DOK6: variants seen among roughly 807,000 people sequenced by gnomAD.
The protein encoded by DOK6 is downstream of tyrosine kinase 6.
DOK6 carries 22 observed loss-of-function variants against 44.0 expected under a neutral mutation model. That is an observed-to-expected ratio of 0.50 (90% CI 0.36 to 0.71). The LOEUF is 0.71. Ranked by LOEUF, DOK6 falls within the 30% of genes least tolerant of loss-of-function variation. The pLI is 0.00. For missense variants in DOK6, 340 were observed against 416.4 expected (o/e 0.82, Z 1.60); for synonymous variants, 166 against 145.5 (o/e 1.14, Z -1.01).
At chr18:69,748,556 A>T (rs1979064974) in intron 6 of DOK6, among the ~76,000 whole-genome samples, 1 of 152,190 alleles carries the variant, frequency 6.6e-6, no homozygotes, top group African/African-American at 2.4e-5. Context: ...AGAACTCAAG[A>T]TTAAGAAACT....
At position 69,757,838 on chromosome 18, in the gene DOK6, G is replaced by C. The variant is rs528290848; in HGVS notation, c.821G>C (p.Arg274Pro). The change falls in exon 7 of 8, where the codon CGT becomes CCT. Residue 274 changes from arginine to proline, a missense_variant. This residue lies in a region of DOK6 where 112 missense variants were observed against 109.3 expected (regional missense o/e 1.02). Transcript: ENST00000382713. Reference protein sequence around the residue: ...PRSAYWHHITRQNSVGEIYSL... With the variant: ...PRSAYWHHITPQNSVGEIYSL... Reference sequence around the variant, plus strand: ...AGCGCGTACTGGCATCACATCACTCGTCAGAACAGCGTTGGTGAAATCTAC... The same window carrying C: ...AGCGCGTACTGGCATCACATCACTCCTCAGAACAGCGTTGGTGAAATCTAC... 6.2e-7 allele frequency: 1 copy of C among 1,614,102 alleles called. No homozygotes were observed. Among genetic ancestry groups the C allele is most frequent in the South Asian group, 1.1e-5 (1 of 91,088 alleles).
At chr18:69,469,230 A>G (rs1980015869) in intron 1 of DOK6, among the ~76,000 whole-genome samples, 1 of 152,228 alleles carries the variant, frequency 6.6e-6, no homozygotes, top group African/African-American at 2.4e-5. Flanking sequence ...GTGTGTGCTG[A>G]GTACTGATAA....
chr18:69,566,664 C>G (rs977008296), intron 2 of DOK6, among the ~76,000 whole-genome samples: 2 of 152,112 alleles, frequency 1.3e-5, no homozygotes, highest in East Asian at 1.9e-4. Flanking sequence ...AGTCTTGCCC[C>G]GAAAAAGCTT....
At chr18:69,446,079 T>A (rs28879801) in intron 1 of DOK6, among the ~76,000 whole-genome samples, 9,397 of 152,190 alleles carry the variant, frequency 0.062, 305 homozygotes, top group Middle Eastern at 0.12. Flanking sequence ...AATTATACTT[T>A]AAGTTCTAGG....
intron 1 of DOK6, among the ~76,000 whole-genome samples, chr18:69,514,715 G>GTTT (rs3044894): frequency 6.0e-4 from 90 of 149,202 alleles, no homozygotes; most frequent in South Asian, 8.4e-4. Context: ...TAGGTTTTTT[G>GTTT]TTTTTTTTTA....
chr18:69,678,961 T>C (rs1985986399), intron 4 of DOK6, among the ~76,000 whole-genome samples: 1 of 152,212 alleles, frequency 6.6e-6, no homozygotes, highest in African/African-American at 2.4e-5. Flanking sequence ...GTGGATTGCT[T>C]GAGCTCAGAA....
chr18:69,548,259 A>G (rs577473370), intron 1 of DOK6, among the ~76,000 whole-genome samples: 19 of 151,100 alleles, frequency 1.3e-4, no homozygotes, highest in Admixed American at 7.3e-4. Flanking sequence ...GCCCTCATAT[A>G]TATATTTTTT....
chr18:69,653,862 T>C (rs1207535434), intron 3 of DOK6, among the ~76,000 whole-genome samples: 1 of 152,112 alleles, frequency 6.6e-6, no homozygotes, highest in African/African-American at 2.4e-5. Flanking sequence ...TCAAACATAA[T>C]GTTTCAAACA....
chr18:69,619,199 A>T (rs1261951453), intron 3 of DOK6, among the ~76,000 whole-genome samples: 1 of 152,242 alleles, frequency 6.6e-6, no homozygotes, highest in African/African-American at 2.4e-5. Context: ...CGCAATACTC[A>T]TGCATTTTCA....
At chr18:69,613,470 A>G (rs985224740) in intron 3 of DOK6, among the ~76,000 whole-genome samples, 1 of 152,250 alleles carries the variant, frequency 6.6e-6, no homozygotes, top group Non-Finnish European at 1.5e-5. Context: ...AAGTTTGGTT[A>G]ATAGACTCTG....
chr18:69,828,033 G>A (rs1047685253), intron 7 of DOK6, among the ~76,000 whole-genome samples: 1 of 151,810 alleles, frequency 6.6e-6, no homozygotes, highest in Non-Finnish European at 1.5e-5. Context: ...TTATGGTTCA[G>A]ATCTCTATCT....
Position 69,544,740 on chromosome 18 carries a change from A to G in DOK6, c.67-19747A>G, listed in dbSNP as rs1402903315. ...GTACATAGAAATACGGTTTTTATAT[A>G]TTACTGACTTTCACCTCTATGGCTG... On this transcript the variant is annotated intron_variant, in intron 1 of 7. Transcript: ENST00000382713. Among the ~76,000 whole-genome samples, 2 of 151,616 alleles carry G rather than the reference A, an allele frequency of 1.3e-5. 1 individual carries two copies. The highest frequency in any genetic ancestry group is 3.0e-5 in the Non-Finnish European group (2 of 67,772).
chr18:69,414,964 C>T (rs913180426), intron 1 of DOK6, among the ~76,000 whole-genome samples: 6 of 152,050 alleles, frequency 3.9e-5, no homozygotes, highest in African/African-American at 1.4e-4. Flanking sequence ...TAATTAATAA[C>T]TTGTCAATTA....
At chr18:69,422,891 T>C (rs1477438120) in intron 1 of DOK6, among the ~76,000 whole-genome samples, 1 of 152,234 alleles carries the variant, frequency 6.6e-6, no homozygotes, top group Non-Finnish European at 1.5e-5. Flanking sequence ...TTGTTACATT[T>C]AGATTTTTTA....
At chr18:69,695,229 G>A (rs1986364202) in intron 4 of DOK6, among the ~76,000 whole-genome samples, 1 of 152,204 alleles carries the variant, frequency 6.6e-6, no homozygotes, top group Admixed American at 6.5e-5. Context: ...AACAGAAAAT[G>A]TAAATTATCT....
chr18:69,709,587 A>T (rs1345507059), intron 5 of DOK6, among the ~76,000 whole-genome samples: 2 of 152,130 alleles, frequency 1.3e-5, no homozygotes, highest in Non-Finnish European at 2.9e-5. Flanking sequence ...TAAATTCATT[A>T]TTATCTTTAT....
At chr18:69,474,250 T>C (rs1343122153) in intron 1 of DOK6, among the ~76,000 whole-genome samples, 1 of 152,146 alleles carries the variant, frequency 6.6e-6, no homozygotes, top group African/African-American at 2.4e-5. Flanking sequence ...TCTTCTCCCT[T>C]CTTCTCCATC....
intron 1 of DOK6, among the ~76,000 whole-genome samples, chr18:69,462,185 A>G (rs1228775722): frequency 1.3e-5 from 2 of 152,058 alleles, no homozygotes; most frequent in African/African-American, 4.8e-5. Flanking sequence ...ATAATTGTCT[A>G]TTTATTTGTC....
At chr18:69,678,238 G>T (rs1486027184) in intron 4 of DOK6, among the ~76,000 whole-genome samples, 1 of 152,110 alleles carries the variant, frequency 6.6e-6, no homozygotes, top group East Asian at 1.9e-4. Context: ...AACAGAGTAA[G>T]ACCCTGTCTC....
Sources: gnomAD v4.1 joint callset for allele counts (sites outside exome capture counted in the v4.1 genomes callset) on GRCh38, gnomAD v4.1.1 for gene constraint, gnomAD v4.1.1 regional missense constraint, MANE v1.5 for transcripts, NCBI Gene and HGNC (gene_info 2026-07-23, HGNC 2026-07-21) for gene names.